The following NBAS variants were observed in gnomAD, a reference collection of about 807,000 sequenced individuals.
NBAS encodes NBAS subunit of NRZ tethering complex, also known as NAG/BC035112 fusion.
In NBAS, 219 loss-of-function variants were observed where a neutral mutation model predicts 302.5. The ratio of observed to expected loss-of-function variants is 0.72; its 90% CI spans 0.65 to 0.81. The LOEUF is 0.81. Among genes scored for constraint, NBAS ranks in the 30% least tolerant of loss-of-function variants. The pLI is 0.00. For synonymous variants in NBAS, 1,118 were observed against 1,021.6 expected, an observed-to-expected ratio of 1.09 and a Z score of -1.80; for missense variants, 2,932 against 2,841.6, an observed-to-expected ratio of 1.03 and a Z score of -0.72.
the NBAS span, among the ~76,000 whole-genome samples, chr2:14,903,766 C>T: frequency 6.6e-6 from 1 of 152,128 alleles, no homozygotes; most frequent in Non-Finnish European, 1.5e-5. Context: ...AAAGTCAACA[C>T]TGGAGCTCAA....
chr2:14,835,190 T>C, the NBAS span, among the ~76,000 whole-genome samples: 2 of 151,872 alleles, frequency 1.3e-5, no homozygotes, highest in African/African-American at 4.8e-5. Flanking sequence ...ATTGTACACA[T>C]CAATTGAGAT....
chr2:15,448,959 G>T (rs1437717322), intron 21 of NBAS, among the ~76,000 whole-genome samples: 1 of 152,080 alleles, frequency 6.6e-6, no homozygotes, highest in Non-Finnish European at 1.5e-5. Flanking sequence ...AAGATGTTAC[G>T]ATCTATGTAA....
At chr2:15,441,916 T>C (rs1326960393) in intron 21 of NBAS, among the ~76,000 whole-genome samples, 1 of 150,678 alleles carries the variant, frequency 6.6e-6, no homozygotes, top group African/African-American at 2.5e-5. Context: ...AAGAAGGCCA[T>C]TACATAATAG....
At chr2:15,537,958 C>CAAG (rs1663599750) in intron 7 of NBAS, among the ~76,000 whole-genome samples, 1 of 152,094 alleles carries the variant, frequency 6.6e-6, no homozygotes, top group Admixed American at 6.5e-5. Context: ...ACCACACAGT[C>CAAG]AACACTTGAT....
chr2:15,042,110 C>T, the NBAS span, among the ~76,000 whole-genome samples: 2 of 152,240 alleles, frequency 1.3e-5, no homozygotes. Flanking sequence ...CTGGAGGCCT[C>T]ATGTAAAAAC....
intron 48 of NBAS, among the ~76,000 whole-genome samples, chr2:15,197,661 T>C (rs1289976523): frequency 6.6e-6 from 1 of 152,176 alleles, no homozygotes; most frequent in Non-Finnish European, 1.5e-5. Context: ...CCCTCTCTTG[T>C]TACTCTCAGC....
At position 15,470,203 on chromosome 2, in the gene NBAS, T is replaced by C. The variant is rs552696652; in HGVS notation, c.1726-1670A>G. 2.1e-4 allele frequency among the ~76,000 whole-genome samples: 32 copies of C among 152,184 alleles called. 1 individual carries two copies. The highest frequency in any genetic ancestry group is 2.0e-3 in the Admixed American group (31 of 15,282). On this transcript the variant is annotated intron_variant, in intron 16 of 51. Coordinates refer to ENST00000281513, the MANE Select transcript of NBAS (RefSeq NM_015909.4). ...CAGTCTAAATCATCAACACAAAACA[T>C]CTAGCACACTGTAGGAGTCCCCTGC... is the stretch of plus-strand genomic sequence containing the variant.
intron 28 of NBAS, among the ~76,000 whole-genome samples, chr2:15,390,301 T>A (rs759394559): frequency 4.6e-5 from 7 of 152,066 alleles, no homozygotes; most frequent in Non-Finnish European, 8.8e-5. Flanking sequence ...ATTAACCATG[T>A]CCCAGAAAAA....
the NBAS span, among the ~76,000 whole-genome samples, chr2:14,925,324 T>C: frequency 6.6e-6 from 1 of 152,182 alleles, no homozygotes; most frequent in Non-Finnish European, 1.5e-5. Flanking sequence ...TTTTCCCGCC[T>C]TAGAGAGGAG....
chr2:14,868,533 C>T, the NBAS span, among the ~76,000 whole-genome samples: 1 of 152,200 alleles, frequency 6.6e-6, no homozygotes, highest in African/African-American at 2.4e-5. Flanking sequence ...ACTAAAGTTA[C>T]TTTCCTGATA....
At chr2:15,216,416 T>C (rs1418072630) in intron 48 of NBAS, among the ~76,000 whole-genome samples, 1 of 152,140 alleles carries the variant, frequency 6.6e-6, no homozygotes, top group African/African-American at 2.4e-5. Context: ...GAAGAAATAT[T>C]GGTGAAACGC....
the NBAS span, among the ~76,000 whole-genome samples, chr2:14,904,022 C>G: frequency 1.3e-5 from 2 of 152,224 alleles, no homozygotes; most frequent in East Asian, 1.9e-4. Context: ...GCGCTCCCTT[C>G]TGGACACTCA....
chr2:15,526,561 T>TA (rs1214896995), intron 9 of NBAS, among the ~76,000 whole-genome samples: 4 of 151,132 alleles, frequency 2.6e-5, no homozygotes, highest in Non-Finnish European at 4.4e-5. Context: ...TTCTTTCATT[T>TA]AAAAAAAAAG....
chr2:15,327,009 A>AC (rs1672100451), intron 38 of NBAS, among the ~76,000 whole-genome samples: 1 of 152,140 alleles, frequency 6.6e-6, no homozygotes, highest in Non-Finnish European at 1.5e-5. Flanking sequence ...AACAGACGGC[A>AC]CTGCCCAGGC....
Position 15,309,175 on chromosome 2 carries a change from G to T in NBAS, c.4655C>A (p.Pro1552Gln). 6.2e-7 allele frequency: 1 copy of T among 1,612,040 alleles called. No individual in the cohort carries two copies. The highest frequency in any genetic ancestry group is 1.1e-5 in the South Asian group (1 of 90,972). Residue 1552 changes from proline (P) to glutamine (Q), a missense_variant, in exon 39 of 52, where the codon CCA (proline) becomes CAA (glutamine). Coordinates refer to ENST00000281513, the MANE Select transcript of NBAS (RefSeq NM_015909.4). ...CATTGGTAAGGGCAAACTTACTTGT[G>T]GTAAGGCAAGAAGGTAAGCAAGAGC... ...TLALAYLLAL[P>Q]QVLDANRCFE...
chr2:15,442,764 A>C (rs1199554734), intron 21 of NBAS, among the ~76,000 whole-genome samples: 1 of 151,986 alleles, frequency 6.6e-6, no homozygotes, highest in Non-Finnish European at 1.5e-5. Flanking sequence ...AGCAAGACTA[A>C]TAAAGAAAAA....
At chr2:15,349,985 G>A (rs942895314) in intron 35 of NBAS, among the ~76,000 whole-genome samples, 5 of 152,046 alleles carry the variant, frequency 3.3e-5, no homozygotes, top group Middle Eastern at 3.4e-3. Context: ...AGGAAGAGGC[G>A]AAAATTCCAT....
the NBAS span, among the ~76,000 whole-genome samples, chr2:14,952,432 A>C: frequency 2.0e-5 from 3 of 152,086 alleles, no homozygotes; most frequent in Admixed American, 2.0e-4. Flanking sequence ...TTTAACACCC[A>C]CTCAGTTCCA....
intron 44 of NBAS, among the ~76,000 whole-genome samples, chr2:15,260,393 C>CG (rs1558483175): frequency 6.6e-6 from 1 of 152,194 alleles, no homozygotes; most frequent in South Asian, 2.1e-4. Context: ...GGAAAGACAT[C>CG]GGCATTCGTG....
Sources: gnomAD v4.1 joint callset for allele counts (sites outside exome capture counted in the v4.1 genomes callset) on GRCh38, gnomAD v4.1.1 for gene constraint, MANE v1.5 for transcripts, NCBI Gene and HGNC (gene_info 2026-07-23, HGNC 2026-07-21) for gene names.